Variants in INPP5D observed in about 807,000 individuals in gnomAD.
INPP5D encodes inositol polyphosphate-5-phosphatase D, also known as phosphatidylinositol 3,4,5-trisphosphate 5-phosphatase 1.
INPP5D carries 33 observed loss-of-function variants against 122.9 expected under a neutral mutation model. That is an observed-to-expected ratio of 0.27 (90% CI 0.20 to 0.36). The LOEUF is 0.36. Ranked by LOEUF, INPP5D falls within the 10% of genes least tolerant of loss-of-function variation. INPP5D has a pLI of 1.00. For synonymous variants in INPP5D, 584 were observed against 576.2 expected, an observed-to-expected ratio of 1.01 and a Z score of -0.19; for missense variants, 1,053 against 1,412.7, an observed-to-expected ratio of 0.75 and a Z score of 4.08.
chr2:233,148,028 G>C (rs980123689), intron 9 of INPP5D, among the ~76,000 whole-genome samples: 2 of 152,212 alleles, frequency 1.3e-5, no homozygotes, highest in African/African-American at 4.8e-5. Context: ...TATGCTCAAG[G>C]CTCTTTAGGC....
intron 2 of INPP5D, among the ~76,000 whole-genome samples, chr2:233,095,938 T>G (rs1692128499): frequency 6.6e-6 from 1 of 152,222 alleles, no homozygotes; most frequent in Non-Finnish European, 1.5e-5. Flanking sequence ...TATACACTGT[T>G]CTGCGATTTG....
At chr2:233,153,038 G>A (rs978771054) in intron 9 of INPP5D, among the ~76,000 whole-genome samples, 5 of 152,214 alleles carry the variant, frequency 3.3e-5, no homozygotes, top group East Asian at 1.9e-4. Context: ...GGGTGGGAAC[G>A]TTTCAAAGGT....
intron 2 of INPP5D, among the ~76,000 whole-genome samples, chr2:233,084,893 C>T (rs987494590): frequency 1.3e-5 from 2 of 152,252 alleles, no homozygotes; most frequent in African/African-American, 4.8e-5. Context: ...TGCTCTGACA[C>T]TCACCTTCTA....
intron 1 of INPP5D, among the ~76,000 whole-genome samples, chr2:233,070,159 G>A (rs547737647): frequency 3.3e-5 from 5 of 152,024 alleles, no homozygotes; most frequent in Non-Finnish European, 5.9e-5. Context: ...TTTTTCTATC[G>A]AAGCTATAGT....
chr2:233,061,553 C>T (rs1380474059), intron 1 of INPP5D, among the ~76,000 whole-genome samples: 2 of 152,164 alleles, frequency 1.3e-5, no homozygotes, highest in Admixed American at 6.5e-5. Context: ...CCCCGAGCAG[C>T]CAGGGCCTTG....
At chr2:233,157,192 T>C (rs1387919867) in intron 9 of INPP5D, among the ~76,000 whole-genome samples, 2 of 152,180 alleles carry the variant, frequency 1.3e-5, no homozygotes, top group South Asian at 4.1e-4. Context: ...AAAATGAGGG[T>C]GTAAACCAAG....
At chr2:233,110,482 G>A (rs1360554942) in intron 2 of INPP5D, among the ~76,000 whole-genome samples, 1 of 152,062 alleles carries the variant, frequency 6.6e-6, no homozygotes, top group African/African-American at 2.4e-5. Flanking sequence ...TTGTAGGCAT[G>A]AGCCACCGCG....
intron 2 of INPP5D, among the ~76,000 whole-genome samples, chr2:233,107,806 G>A (rs1041669418): frequency 2.0e-5 from 3 of 152,048 alleles, no homozygotes; most frequent in African/African-American, 4.8e-5. Flanking sequence ...CCCAGCTGGC[G>A]GGTGGTTGGA....
intron 25 of INPP5D, among the ~76,000 whole-genome samples, chr2:233,201,684 A>G (rs956222461): frequency 3.3e-5 from 5 of 152,204 alleles, no homozygotes; most frequent in African/African-American, 1.2e-4. Flanking sequence ...TGAAAGTCCC[A>G]CATCTCAGGA....
intron 9 of INPP5D, among the ~76,000 whole-genome samples, chr2:233,157,226 A>T (rs1035533043): frequency 6.6e-6 from 1 of 152,198 alleles, no homozygotes; most frequent in Non-Finnish European, 1.5e-5. Context: ...GGGGTCCAAG[A>T]AATGGGATTT....
chr2:233,165,330 T>C (rs1239333282), intron 13 of INPP5D, among the ~76,000 whole-genome samples: 2 of 151,914 alleles, frequency 1.3e-5, no homozygotes, highest in Admixed American at 1.3e-4. Context: ...TGTATGAGTG[T>C]ACCACCCATA....
chr2:233,183,352 C>T lies in INPP5D; in HGVS notation c.2161+853C>T, dbSNP rs916012869. ...ATGCCCTGGGGGACACACGTGAGGC[C>T]GAAGCACTGTCTTCCTGGGGTGCTC... On this transcript the variant is annotated intron_variant, in intron 19 of 26. Transcript: ENST00000445964. The surrounding 1 kb of genome is among the most constrained non-coding windows in gnomAD (Gnocchi z 4.6). Among the ~76,000 whole-genome samples the T allele has an allele frequency of 3.9e-5, 6 of 152,112 alleles. No individual in the cohort carries two copies. Among genetic ancestry groups the T allele is most frequent in the South Asian group, 2.1e-4 (1 of 4,826 alleles).
At chr2:233,098,302 G>A (rs1413021299) in intron 2 of INPP5D, among the ~76,000 whole-genome samples, 1 of 152,130 alleles carries the variant, frequency 6.6e-6, no homozygotes, top group African/African-American at 2.4e-5. Flanking sequence ...TCACCGAATG[G>A]TGCCCAAATG....
chr2:233,203,982 C>T, intron 25 of INPP5D, 144 bp from the exon 26 acceptor site: 1 of 1,313,130 alleles, frequency 7.6e-7, no homozygotes, highest in Non-Finnish European at 9.9e-7. Context: ...TGGTGCCATT[C>T]AGTAAATTTG....
intron 9 of INPP5D, among the ~76,000 whole-genome samples, chr2:233,150,146 C>T (rs968658902): frequency 2.0e-5 from 3 of 152,132 alleles, no homozygotes; most frequent in Admixed American, 6.5e-5. Flanking sequence ...TATGATTTGG[C>T]TGTGTCCCCA....
chr2:233,063,156 C>T (rs1378716680), intron 1 of INPP5D, among the ~76,000 whole-genome samples: 1 of 152,236 alleles, frequency 6.6e-6, no homozygotes, highest in Non-Finnish European at 1.5e-5. Flanking sequence ...TTTTCTGCGG[C>T]TGCAGAAGTA....
At chr2:233,081,484 T>C (rs1337868022) in intron 2 of INPP5D, among the ~76,000 whole-genome samples, 4 of 152,214 alleles carry the variant, frequency 2.6e-5, no homozygotes, top group Admixed American at 6.5e-5. Context: ...CTGTGGCTTC[T>C]AGTAGAGTCG....
chr2:233,193,310 T>C (rs1354471259), intron 22 of INPP5D, among the ~76,000 whole-genome samples: 1 of 152,270 alleles, frequency 6.6e-6, no homozygotes, highest in Non-Finnish European at 1.5e-5. Flanking sequence ...TTCCATTTAT[T>C]AAAATTAACC....
Position 233,164,638 on chromosome 2 carries a change from A to G in INPP5D, c.1555+214A>G, listed in dbSNP as rs1390376758. On this transcript the variant is annotated intron_variant, in intron 13 of 26. Transcript: ENST00000445964. The surrounding 1 kb of genome is among the most constrained non-coding windows in gnomAD (Gnocchi z 4.3). ...CAGCAGTCCCAGGGATCTAGCTAAAATGCAGGTTCCGACCCAGTAGATCTT... is the reference window on the plus strand; with the variant it reads ...CAGCAGTCCCAGGGATCTAGCTAAAGTGCAGGTTCCGACCCAGTAGATCTT... 6.6e-6 allele frequency among the ~76,000 whole-genome samples: 1 copy of G among 152,132 alleles called. No individual in the cohort carries two copies. Among genetic ancestry groups the G allele is most frequent in the Non-Finnish European group, 1.5e-5 (1 of 68,022 alleles).
Sources: allele counts gnomAD v4.1 joint callset (sites outside exome capture counted in the v4.1 genomes callset), GRCh38; gene constraint gnomAD v4.1.1; non-coding constraint Gnocchi (gnomAD v3.1); transcripts MANE v1.5; gene names NCBI Gene and HGNC (gene_info 2026-07-23, HGNC 2026-07-21).